The following INTS13 variants were observed in gnomAD, a reference collection of about 807,000 sequenced individuals.
The protein encoded by INTS13 is asunder, spermatogenesis regulator homolog (Drosphila).
In INTS13, 35 loss-of-function variants were observed where a neutral mutation model predicts 90.2. The observed-to-expected ratio is 0.39, with a 90% CI of 0.30 to 0.51. INTS13 has a LOEUF of 0.51. Ranked by LOEUF, INTS13 falls within the 20% of genes least tolerant of loss-of-function variation. INTS13 has a pLI of 0.80. For synonymous variants in INTS13, 309 were observed against 277.1 expected, an observed-to-expected ratio of 1.11 and a Z score of -1.14; for missense variants, 601 against 851.2, an observed-to-expected ratio of 0.71 and a Z score of 3.66.
At chr12:26,936,905 A>G (rs1473016767) in intron 1 of INTS13, 91 bp from the exon 2 acceptor site, 17 of 831,840 alleles carry the variant, frequency 2.0e-5, no homozygotes, top group Admixed American at 1.4e-4. Context: ...TTCCCTCAAG[A>G]AGACTTGGTA....
intron 8 of INTS13, among the ~76,000 whole-genome samples, chr12:26,920,867 CTAAGAT>C (rs1952098795): frequency 6.6e-6 from 1 of 152,082 alleles, no homozygotes; most frequent in South Asian, 2.1e-4. Context: ...TAGGTTTATT[CTAAGAT>C]TCCTCAGACA....
In INTS13 at chr12:26,910,617, T is replaced by C. The variant is rs1007678393; in HGVS notation, c.1945+561A>G. ...CCTTCTGCCATGCCTGTAAGTTTCC[T>C]GAGGCCTCCCAGCCATGCTGGAACT... On this transcript the variant is annotated intron_variant, in intron 15 of 16. Coordinates refer to ENST00000261191, the MANE Select transcript of INTS13 (RefSeq NM_018164.3). 3.9e-5 allele frequency among the ~76,000 whole-genome samples: 6 copies of C among 152,328 alleles called. No homozygotes were observed. The South Asian group carries it at 6.2e-4, about 16-fold the overall frequency.
At chr12:26,909,089 A>AG (rs1951696364) in intron 15 of INTS13, among the ~76,000 whole-genome samples, 1 of 152,208 alleles carries the variant, frequency 6.6e-6, no homozygotes, top group South Asian at 2.1e-4. Context: ...GGCTGGGCGC[A>AG]GGGACTCATG....
At chr12:26,906,521 T>A in intron 15 of INTS13, 84 bp from the exon 16 acceptor site, 1 of 1,360,330 alleles carries the variant, frequency 7.4e-7, no homozygotes, top group Non-Finnish European at 1.0e-6. Flanking sequence ...AACTTACCTT[T>A]AATTCTGTTG....
chr12:26,917,302 T>G (rs1381462052), intron 10 of INTS13, 50 bp downstream of exon 10: 1 of 591,380 alleles, frequency 1.7e-6, no homozygotes, highest in South Asian at 3.9e-5. Flanking sequence ...AATAAATAAT[T>G]CAAATAATAT....
chr12:26,929,733 A>C (rs1478450989), intron 3 of INTS13, among the ~76,000 whole-genome samples: 1 of 151,656 alleles, frequency 6.6e-6, no homozygotes, highest in African/African-American at 2.4e-5. Context: ...GAAAGGAAGA[A>C]AGGAAGGAAG....
At chr12:26,929,605 G>A (rs1565834737) in intron 3 of INTS13, among the ~76,000 whole-genome samples, 1 of 151,640 alleles carries the variant, frequency 6.6e-6, no homozygotes, top group Non-Finnish European at 1.5e-5. Context: ...GTGGGGTGAT[G>A]TACACCCATA....
intron 10 of INTS13, among the ~76,000 whole-genome samples, 153 bp from the exon 11 acceptor site, chr12:26,916,333 A>T (rs1337653146): frequency 6.6e-6 from 1 of 152,226 alleles, no homozygotes. Context: ...TTCCATGCCT[A>T]AAAATCTGAA....
chr12:26,907,922 G>C (rs545227010), intron 15 of INTS13, among the ~76,000 whole-genome samples: 1 of 152,144 alleles, frequency 6.6e-6, no homozygotes, highest in South Asian at 2.1e-4. Context: ...AAAACAAACA[G>C]TAACCCTGAC....
At chr12:26,907,339 T>A (rs1345874654) in intron 15 of INTS13, among the ~76,000 whole-genome samples, 2 of 152,184 alleles carry the variant, frequency 1.3e-5, no homozygotes, top group Non-Finnish European at 2.9e-5. Context: ...CTGATAAATG[T>A]ACAATATTTC....
intron 1 of INTS13, chr12:26,937,593 A>G (rs1005238143): frequency 2.0e-5 from 3 of 152,246 alleles, no homozygotes; most frequent in Admixed American, 6.5e-5. Flanking sequence ...CGAAAAGCAC[A>G]TGGCAAGCAA....
chr12:26,925,193 C>T (rs527311202), intron 6 of INTS13, among the ~76,000 whole-genome samples: 19 of 151,972 alleles, frequency 1.3e-4, no homozygotes, highest in East Asian at 5.8e-4. Flanking sequence ...GTAATACTAG[C>T]GATGTTTATA....
chr12:26,934,567 T>G lies in INTS13; in HGVS notation c.289A>C (p.Asn97His), dbSNP rs767740633. The change falls in exon 3 of 17, where the codon AAT becomes CAT. Residue 97 changes from asparagine to histidine, a missense_variant. Coordinates refer to ENST00000261191, the MANE Select transcript of INTS13 (RefSeq NM_018164.3). The part of the protein sequence containing the change: ...VLNSWTQEDQ[N>H]LQELMAALAA... ...AAATCTAACCATACCTCCTGTAAATTTTGGTCTTCTTGAGTCCAAGAATTT... is the reference window on the plus strand; with the variant it reads ...AAATCTAACCATACCTCCTGTAAATGTTGGTCTTCTTGAGTCCAAGAATTT... 5 of 1,611,298 alleles carry G rather than the reference T, an allele frequency of 3.1e-6. No homozygotes were observed. In the South Asian group the frequency reaches 4.4e-5, roughly 14 times the overall value.
Position 26,911,254 on chromosome 12 carries a change from C to G in INTS13, c.1869G>C (p.Ser623=). The change falls in exon 15 of 17, where the codon TCG becomes TCC. Residue 623 remains serine, a synonymous_variant. Coordinates refer to ENST00000261191, the MANE Select transcript of INTS13 (RefSeq NM_018164.3). The stretch of plus-strand genomic sequence containing the variant: ...TGTTTGGAGGTTCTGGGGAATCAGG[C>G]GAATCTTTTATAATCTCAGCTTCAG... ...ELAEAEIIKD[S]PDSPEPPNKK... 2 of 1,613,840 alleles carry G rather than the reference C, an allele frequency of 1.2e-6. No homozygotes were observed. Among genetic ancestry groups the G allele is most frequent in the Middle Eastern group, 1.6e-4 (1 of 6,062 alleles).
intron 2 of INTS13, 66 bp from the exon 3 acceptor site, chr12:26,934,696 A>C (rs1592235452): frequency 8.8e-7 from 1 of 1,138,316 alleles, no homozygotes; most frequent in African/African-American, 1.5e-5. Flanking sequence ...ACATATTTTC[A>C]AGTAATATGC....
chr12:26,911,026 G>A, intron 15 of INTS13, 152 bp downstream of exon 15: 2 of 713,442 alleles, frequency 2.8e-6, no homozygotes, highest in Non-Finnish European at 4.4e-6. Flanking sequence ...TTAGAGGTGG[G>A]GTTTCACCAT....
At chr12:26,927,338 T>A (rs1937932085) in intron 5 of INTS13, among the ~76,000 whole-genome samples, 1 of 152,246 alleles carries the variant, frequency 6.6e-6, no homozygotes. Flanking sequence ...CTGTGGGGTC[T>A]GTATTAACTC....
At chr12:26,905,680 C>T (rs1951588103) in intron 16 of INTS13, 144 bp from the exon 17 acceptor site, 1 of 776,006 alleles carries the variant, frequency 1.3e-6, no homozygotes, top group Non-Finnish European at 2.0e-6. Context: ...CATCAGGGTT[C>T]CTCTAGCTAG....
rs571607146 is a variant in INTS13 at position 26,908,093 on chromosome 12, A to G, written c.1946-1656T>C. On this transcript the variant is annotated intron_variant, in intron 15 of 16. Coordinates refer to ENST00000261191, the MANE Select transcript of INTS13 (RefSeq NM_018164.3). ...AAAGCCAATCTCAAAAGGTGGCATG[A>G]CATTTTCTTTCATTTATAAGACATT... Among the ~76,000 whole-genome samples the G allele has an allele frequency of 5.9e-5, 9 of 152,346 alleles. No individual in the cohort carries two copies. In the East Asian group the frequency reaches 1.7e-3, roughly 29 times the overall value.
Sources: gnomAD v4.1 joint callset for allele counts (sites outside exome capture counted in the v4.1 genomes callset) on GRCh38, gnomAD v4.1.1 for gene constraint, MANE v1.5 for transcripts, NCBI Gene and HGNC (gene_info 2026-07-23, HGNC 2026-07-21) for gene names.